Variants in TRPA1 observed in about 807,000 individuals in gnomAD.
TRPA1 encodes ankyrin-like with transmembrane domains 1.
A neutral mutation model predicts 131.3 loss-of-function variants in TRPA1; 129 were observed. The observed-to-expected ratio is 0.98, with a 90% confidence interval of 0.85 to 1.14. TRPA1 has a LOEUF of 1.14. Ranked by LOEUF, TRPA1 falls within the 50% of genes most tolerant of loss-of-function variation. TRPA1 has a pLI of 0.00. For missense variants in TRPA1, 1,304 were observed against 1,354.2 expected, an observed-to-expected ratio of 0.96 and a Z score of 0.58; for synonymous variants, 441 against 451.7, an observed-to-expected ratio of 0.98 and a Z score of 0.30.
chr8:72,042,544 C>A (rs958430962), intron 17 of TRPA1, among the ~76,000 whole-genome samples: 26 of 151,994 alleles, frequency 1.7e-4, no homozygotes, highest in Admixed American at 1.7e-3. Context: ...ACCACAGGAT[C>A]CAGCAAGCCT....
At chr8:72,023,749 A>T (rs1811481253) in intron 26 of TRPA1, 65 bp downstream of exon 26, 2 of 953,598 alleles carry the variant, frequency 2.1e-6, no homozygotes, top group Non-Finnish European at 3.4e-6. Flanking sequence ...ATATAATCTT[A>T]CATTGTGCAT....
chr8:72,078,105 T>G (rs1806223593), upstream of TRPA1, among the ~76,000 whole-genome samples: 1 of 151,712 alleles, frequency 6.6e-6, no homozygotes, highest in South Asian at 2.1e-4. Flanking sequence ...TTACCAAAAT[T>G]CTCCTTAATT....
chr8:72,053,236 CTGTTA>C (rs141362995), intron 13 of TRPA1: 2,375 of 205,288 alleles, frequency 0.012, 53 homozygotes, highest in African/African-American at 0.052. Flanking sequence ...AAATCAGAGA[CTGTTA>C]TAAGTTTGCC....
rs1464165145 is a variant in TRPA1 at position 72,075,556 on chromosome 8, G to T, written c.-147C>A. 2.9e-6 allele frequency: 2 copies of T among 697,472 alleles called. No individual in the cohort carries two copies. Among genetic ancestry groups the T allele is most frequent in the South Asian group, 3.2e-5 (2 of 63,240 alleles). The allele number at this position is 697,472 out of a possible 1,614,324, so 43.2% of individuals were successfully genotyped here. ...GCAGCTCACAGGCAGCGAAAAAGTC[G>T]CTCTGCGGAAGCCCTGGAGAACTTC... is the stretch of plus-strand genomic sequence containing the variant. On this transcript the variant is annotated 5_prime_UTR_variant, in exon 1 of 27. Coordinates refer to ENST00000262209, the MANE Select transcript of TRPA1 (RefSeq NM_007332.3).
intron 6 of TRPA1, 102 bp downstream of exon 6, chr8:72,062,697 G>T: frequency 1.7e-6 from 2 of 1,151,754 alleles, no homozygotes; most frequent in Non-Finnish European, 2.6e-6. Context: ...TGTATTTCTT[G>T]TATGTATTTC....
intron 24 of TRPA1, among the ~76,000 whole-genome samples, chr8:72,029,269 G>C (rs974606403): frequency 6.6e-6 from 1 of 152,170 alleles, no homozygotes; most frequent in South Asian, 2.1e-4. Flanking sequence ...TTTGAACAGC[G>C]GGGCTAGGAT....
chr8:72,035,645 C>A (rs891200498), intron 21 of TRPA1, among the ~76,000 whole-genome samples: 5 of 151,898 alleles, frequency 3.3e-5, no homozygotes, highest in Non-Finnish European at 1.5e-5. Flanking sequence ...GGCTTTTTTC[C>A]CTGTCTAGAA....
intron 24 of TRPA1, among the ~76,000 whole-genome samples, chr8:72,028,050 C>T (rs998377022): frequency 6.6e-6 from 1 of 152,100 alleles, no homozygotes; most frequent in South Asian, 2.1e-4. Flanking sequence ...TGCTGACATA[C>T]CTGCCAAGAG....
upstream of TRPA1, among the ~76,000 whole-genome samples, chr8:72,076,198 T>A (rs1806181144): frequency 6.6e-6 from 1 of 152,160 alleles, no homozygotes; most frequent in African/African-American, 2.4e-5. Context: ...GTGATCCCCC[T>A]CACACTTTGG....
Position 72,065,493 on chromosome 8 carries a change from G to A in TRPA1, c.510C>T (p.Ile170=). 2 of 1,613,514 alleles carry A rather than the reference G, an allele frequency of 1.2e-6. No individual in the cohort carries two copies. Among genetic ancestry groups the A allele is most frequent in the Non-Finnish European group, 1.7e-6 (2 of 1,179,734 alleles). Residue 170 remains isoleucine (I), a synonymous_variant, in exon 4 of 27, where the codon ATC becomes ATT. Coordinates refer to ENST00000262209, the MANE Select transcript of TRPA1 (RefSeq NM_007332.3). ...LEGENGNTAV[I]IACTTNNSEA... ...CGCTATTATTTGTGGTGCACGCAAT[G>A]ATCACAGCTGTGTTTCCATTTTCTC...
chr8:72,030,058 G>T, intron 23 of TRPA1, 89 bp from the exon 24 acceptor site: 1 of 1,199,866 alleles, frequency 8.3e-7, no homozygotes, highest in Non-Finnish European at 1.2e-6. Context: ...TCAGACTGCT[G>T]TGACAAAATA....
the TRPA1 span, among the ~76,000 whole-genome samples, chr8:72,085,890 C>A: frequency 6.6e-6 from 1 of 151,618 alleles, no homozygotes; most frequent in Non-Finnish European, 1.5e-5. Flanking sequence ...TTGGGGAATG[C>A]GTATTCTACT....
intron 24 of TRPA1, among the ~76,000 whole-genome samples, chr8:72,028,819 G>A: frequency 6.6e-6 from 1 of 152,186 alleles, no homozygotes; most frequent in Non-Finnish European, 1.5e-5. Context: ...ATAAATAAAT[G>A]TTAGTGTGTG....
Position 72,038,966 on chromosome 8 carries a change from G to C in TRPA1, c.2194C>G (p.Pro732Ala), listed in dbSNP as rs1585851954. 9 of 1,612,942 alleles carry C rather than the reference G, an allele frequency of 5.6e-6. No homozygotes were observed. Among genetic ancestry groups the C allele is most frequent in the Non-Finnish European group, 7.6e-6 (9 of 1,179,328 alleles). Residue 732 changes from proline (P) to alanine (A), a missense_variant, in exon 19 of 27, where the codon CCT becomes GCT. Coordinates refer to ENST00000262209, the MANE Select transcript of TRPA1 (RefSeq NM_007332.3). ...NLGSYCLGLIPMTILVVNIKP... is the reference protein window; with the variant it reads ...NLGSYCLGLIAMTILVVNIKP... Reference sequence around the variant, plus strand: ...ATATTGACAACGAGAATGGTCATAGGTATGAGACCAAGACAGTAAGATCCT... The same window carrying C: ...ATATTGACAACGAGAATGGTCATAGCTATGAGACCAAGACAGTAAGATCCT...
intron 12 of TRPA1, chr8:72,054,321 A>G (rs537016076): frequency 5.3e-6 from 1 of 188,924 alleles, no homozygotes; most frequent in African/African-American, 2.4e-5. Context: ...AATATGATAC[A>G]TGGCTATAAG....
upstream of TRPA1, among the ~76,000 whole-genome samples, chr8:72,079,911 T>G (rs1161853554): frequency 6.6e-6 from 1 of 151,946 alleles, no homozygotes; most frequent in Non-Finnish European, 1.5e-5. Flanking sequence ...TTTTATTAAT[T>G]TTAAGCTATT....
At chr8:72,061,787 C>T (rs200053697) in intron 6 of TRPA1, 26 bp from the exon 7 acceptor site, 1 of 1,612,568 alleles carries the variant, frequency 6.2e-7, no homozygotes, top group East Asian at 2.2e-5. Flanking sequence ...ATGCTAGAAT[C>T]AATGTTTAAA....
intron 20 of TRPA1, among the ~76,000 whole-genome samples, chr8:72,036,867 A>G (rs1312932931): frequency 6.6e-6 from 1 of 152,220 alleles, no homozygotes; most frequent in African/African-American, 2.4e-5. Flanking sequence ...GGTTTGGGAC[A>G]TGCACTGAGA....
At chr8:72,047,092 T>C in intron 16 of TRPA1, 56 bp downstream of exon 16, 1 of 1,310,048 alleles carries the variant, frequency 7.6e-7, no homozygotes, top group Non-Finnish European at 1.1e-6. Context: ...TTTTTAATAT[T>C]TTTCAAAGAA....
Sources: gnomAD v4.1 joint callset for allele counts (sites outside exome capture counted in the v4.1 genomes callset) on GRCh38, gnomAD v4.1.1 for gene constraint, MANE v1.5 for transcripts, NCBI Gene and HGNC (gene_info 2026-07-23, HGNC 2026-07-21) for gene names.